The following SLC47A1 variants were observed in gnomAD, a reference collection of about 807,000 sequenced individuals.
SLC47A1 encodes multidrug and toxin extrusion protein 1.
SLC47A1 carries 58 observed loss-of-function variants against 65.8 expected under a neutral mutation model. The ratio of observed to expected loss-of-function variants is 0.88; its 90% CI spans 0.71 to 1.10. SLC47A1 has a LOEUF of 1.10. Among genes scored for constraint, SLC47A1 ranks in the 50% least tolerant of loss-of-function variants. The probability of loss-of-function intolerance (pLI) is 0.00; values close to 1 mark genes in which losing one functional copy is unlikely to be tolerated. For synonymous variants in SLC47A1, 285 were observed against 295.0 expected (o/e 0.97, Z 0.35); for missense variants, 706 against 719.2 (o/e 0.98, Z 0.21).
intron 13 of SLC47A1, 38 bp downstream of exon 13, chr17:19,566,897 A>G (rs1235819301): frequency 4.4e-6 from 7 of 1,608,326 alleles, no homozygotes; most frequent in Admixed American, 3.3e-5. Context: ...CACTGTTATG[A>G]TCTTCTGATG....
At position 19,555,909 on chromosome 17, in the gene SLC47A1, G is replaced by T; in HGVS notation, c.853G>T (p.Gly285Cys). 6 of 1,613,998 alleles carry T rather than the reference G, an allele frequency of 3.7e-6. No individual in the cohort carries two copies. The highest frequency in any genetic ancestry group is 5.1e-6 in the Non-Finnish European group (6 of 1,179,942). The change falls in exon 9 of 17, where the codon GGC becomes TGC. Residue 285 changes from glycine (G) to cysteine (C), a missense_variant and splice_region_variant. Physicochemically the swap from Gly to Cys is radical, Grantham distance 159. Transcript: ENST00000270570. ...CTATGAGGTCGGGAGCTTCCTCAGT[G>T]GTCTGTATGAGGATGGATGACGGGG... ...WAYEVGSFLS[G>C]ILGMVELGAQ...
intron 1 of SLC47A1, among the ~76,000 whole-genome samples, chr17:19,536,704 G>A (rs1448254274): frequency 6.6e-6 from 1 of 152,176 alleles, no homozygotes; most frequent in Non-Finnish European, 1.5e-5. Context: ...AAGGGCATGG[G>A]ATAAGGAGAG....
At chr17:19,542,241 T>C (rs1407934877) in intron 1 of SLC47A1, 152 bp from the exon 2 acceptor site, 1 of 461,328 alleles carries the variant, frequency 2.2e-6, no homozygotes, top group East Asian at 3.3e-5. Flanking sequence ...CCCCAGAAAT[T>C]GTACATTTGC....
intron 1 of SLC47A1, among the ~76,000 whole-genome samples, chr17:19,541,246 C>T (rs1916140326): frequency 6.6e-6 from 1 of 152,138 alleles, no homozygotes; most frequent in Non-Finnish European, 1.5e-5. Context: ...AGTGAGGGCC[C>T]CATGGGGCAG....
intron 16 of SLC47A1, among the ~76,000 whole-genome samples, chr17:19,575,584 G>A (rs899557977): frequency 6.6e-6 from 1 of 152,146 alleles, no homozygotes; most frequent in East Asian, 1.9e-4. Flanking sequence ...TATTTTTGTA[G>A]AGACCAGGTC....
chr17:19,562,838 T>C (rs1468983025), intron 12 of SLC47A1, among the ~76,000 whole-genome samples: 1 of 152,072 alleles, frequency 6.6e-6, no homozygotes, highest in Non-Finnish European at 1.5e-5. Flanking sequence ...AAATTACTTG[T>C]AAGGTGGCCA....
chr17:19,534,122 C>T (rs779093478), intron 1 of SLC47A1, 48 bp downstream of exon 1: 1 of 1,469,566 alleles, frequency 6.8e-7, no homozygotes, highest in South Asian at 1.3e-5. Context: ...GGGCTGGGGA[C>T]CTGGTGATTT....
chr17:19,571,572 G>A lies in SLC47A1; in HGVS notation c.1404G>A (p.Gln468=). The change falls in exon 15 of 17, where the codon CAG becomes CAA. Residue 468 remains glutamine (Q), a splice_region_variant and synonymous_variant. Transcript: ENST00000270570. Reference sequence around the variant, plus strand: ...TAAATTGGAAAAAAGCCTGTCAGCAGGTAACTATGTTCATTCTGTCCCGGT... The same window carrying A: ...TAAATTGGAAAAAAGCCTGTCAGCAAGTAACTATGTTCATTCTGTCCCGGT... The part of the protein sequence containing the change: ...IQLNWKKACQ[Q]AQVHANLKVN... 1.9e-6 allele frequency: 3 copies of A among 1,611,872 alleles called. No homozygotes were observed. The highest frequency in any genetic ancestry group is 2.5e-6 in the Non-Finnish European group (3 of 1,178,040).
At chr17:19,564,183 T>A (rs1367580056) in intron 12 of SLC47A1, among the ~76,000 whole-genome samples, 2 of 151,844 alleles carry the variant, frequency 1.3e-5, no homozygotes, top group East Asian at 3.9e-4. Flanking sequence ...CGAAACCCCA[T>A]CTCTACAAAA....
In SLC47A1 at chr17:19,569,751, A is replaced by C. The variant is rs1391907116; in HGVS notation, c.1310-1727A>C. The stretch of plus-strand genomic sequence containing the variant: ...GTTGGGTCAAATAGAAATCTTTTAA[A>C]TGATGTATGCTAAAATTATTGGAAA... On this transcript the variant is annotated intron_variant, in intron 14 of 16. Transcript: ENST00000270570. Among the ~76,000 whole-genome samples the C allele has an allele frequency of 2.0e-5, 3 of 152,246 alleles. No homozygotes were observed. The East Asian group carries it at 5.8e-4, about 29-fold the overall frequency.
intron 4 of SLC47A1, among the ~76,000 whole-genome samples, 161 bp from the exon 5 acceptor site, chr17:19,549,474 G>A (rs139489112): frequency 3.5e-4 from 53 of 151,876 alleles, no homozygotes; most frequent in African/African-American, 1.3e-3. Flanking sequence ...GATTACAGGC[G>A]TGAGCCACCG....
chr17:19,569,560 G>GT (rs2084384441), intron 14 of SLC47A1, among the ~76,000 whole-genome samples: 1 of 152,196 alleles, frequency 6.6e-6, no homozygotes, highest in African/African-American at 2.4e-5. Flanking sequence ...ATGGTATGCA[G>GT]TATACCTATA....
intron 6 of SLC47A1, among the ~76,000 whole-genome samples, chr17:19,554,632 C>T (rs1197712183): frequency 6.6e-6 from 1 of 152,094 alleles, no homozygotes; most frequent in African/African-American, 2.4e-5. Context: ...CTATTCTATC[C>T]GGATGCGGGG....
At chr17:19,535,786 G>A (rs1347084120) in intron 1 of SLC47A1, among the ~76,000 whole-genome samples, 3 of 152,172 alleles carry the variant, frequency 2.0e-5, no homozygotes, top group Middle Eastern at 3.4e-3. Context: ...CTGGGGCTGC[G>A]TGCCCTGCTT....
chr17:19,565,742 G>A (rs529019320), intron 12 of SLC47A1, among the ~76,000 whole-genome samples: 9 of 151,894 alleles, frequency 5.9e-5, no homozygotes, highest in Middle Eastern at 3.4e-3. Context: ...CACCACGCCC[G>A]GCTAATTTTT....
At chr17:19,573,742 G>A (rs2093030015) in intron 16 of SLC47A1, among the ~76,000 whole-genome samples, 1 of 151,818 alleles carries the variant, frequency 6.6e-6, no homozygotes, top group Admixed American at 6.6e-5. Context: ...GAAGTAACTT[G>A]AGCCTGAAAG....
At chr17:19,547,716 CTTTTTTT>C (rs1180263887) in intron 3 of SLC47A1, among the ~76,000 whole-genome samples, 3 of 68,588 alleles carry the variant, frequency 4.4e-5, no homozygotes, top group African/African-American at 1.8e-4. Context: ...CCATGGGCTT[CTTTTTTT>C]TTTTTTTTTT....
intron 1 of SLC47A1, among the ~76,000 whole-genome samples, chr17:19,538,049 C>T (rs1204718997): frequency 6.6e-6 from 1 of 152,202 alleles, no homozygotes; most frequent in African/African-American, 2.4e-5. Context: ...TTCCCTATTC[C>T]ACAGATGCTC....
intron 2 of SLC47A1, among the ~76,000 whole-genome samples, 174 bp downstream of exon 2, chr17:19,542,668 C>A (rs371700381): frequency 6.6e-6 from 1 of 152,060 alleles, no homozygotes; most frequent in African/African-American, 2.4e-5. Context: ...GGTGCTGCAA[C>A]TTTAATTCCC....
Sources: gnomAD v4.1 joint callset for allele counts (sites outside exome capture counted in the v4.1 genomes callset) on GRCh38, gnomAD v4.1.1 for gene constraint, MANE v1.5 for transcripts, NCBI Gene and HGNC (gene_info 2026-07-23, HGNC 2026-07-21) for gene names.